PREX1: variants seen among roughly 807,000 people sequenced by gnomAD.
The protein encoded by PREX1 is phosphatidylinositol-3,4,5-trisphosphate dependent Rac exchange factor 1.
PREX1 carries 41 observed loss-of-function variants against 198.3 expected under a neutral mutation model. That is an observed-to-expected ratio of 0.21 (90% CI 0.16 to 0.27). The LOEUF (loss-of-function observed/expected upper bound fraction) is 0.27. Ranked by LOEUF, PREX1 falls within the 10% of genes least tolerant of loss-of-function variation. The pLI is 1.00. For synonymous variants in PREX1, 843 were observed against 887.2 expected, an observed-to-expected ratio of 0.95 and a Z score of 0.89; for missense variants, 1,620 against 2,200.7, an observed-to-expected ratio of 0.74 and a Z score of 5.28.
chr20:48,711,661 A>G (rs1054423053), intron 5 of PREX1, among the ~76,000 whole-genome samples: 2 of 152,234 alleles, frequency 1.3e-5, no homozygotes, highest in Admixed American at 6.5e-5. Context: ...CTTTTACACT[A>G]CAATGACAGA....
the PREX1 span, among the ~76,000 whole-genome samples, chr20:48,870,546 A>T: frequency 6.6e-6 from 1 of 152,304 alleles, no homozygotes. Flanking sequence ...AAAAGTTGAA[A>T]AAGTTCCAAT....
the PREX1 span, among the ~76,000 whole-genome samples, chr20:48,882,229 G>C: frequency 2.0e-5 from 3 of 151,988 alleles, no homozygotes; most frequent in Non-Finnish European, 2.9e-5. Context: ...GTTGCTGGGC[G>C]CGGTGGCTCA....
intron 1 of PREX1, among the ~76,000 whole-genome samples, chr20:48,757,712 T>C (rs1281036151): frequency 1.3e-5 from 2 of 152,104 alleles, no homozygotes; most frequent in African/African-American, 2.4e-5. Flanking sequence ...CCTCAGTAAA[T>C]GTCCAGTGAA....
At chr20:48,659,536 G>A (rs1184079277) in intron 16 of PREX1, among the ~76,000 whole-genome samples, 4 of 152,132 alleles carry the variant, frequency 2.6e-5, no homozygotes, top group African/African-American at 4.8e-5. Context: ...CTCCAACCCT[G>A]GCAGTGACCA....
At chr20:48,826,266 G>A (rs2090508214) in intron 1 of PREX1, among the ~76,000 whole-genome samples, 1 of 151,990 alleles carries the variant, frequency 6.6e-6, no homozygotes, top group Non-Finnish European at 1.5e-5. Context: ...AGTAAATGAG[G>A]CCCCAGCAGG....
At chr20:48,655,674 A>G (rs989546348) in intron 18 of PREX1, among the ~76,000 whole-genome samples, 3 of 152,088 alleles carry the variant, frequency 2.0e-5, no homozygotes, top group African/African-American at 7.2e-5. Context: ...CTCCTGTCCT[A>G]AGACCCTTGG....
intron 1 of PREX1, among the ~76,000 whole-genome samples, chr20:48,799,102 T>C (rs2090375052): frequency 6.6e-6 from 1 of 152,184 alleles, no homozygotes; most frequent in Non-Finnish European, 1.5e-5. Context: ...CAGACTGGTC[T>C]TGAACTCCTG....
chr20:48,821,094 C>T (rs1178377605), intron 1 of PREX1, among the ~76,000 whole-genome samples: 1 of 152,008 alleles, frequency 6.6e-6, no homozygotes, highest in African/African-American at 2.4e-5. Flanking sequence ...CCCAGCTATT[C>T]GGGAGGATGA....
chr20:48,790,487 AG>A (rs1423008093), intron 1 of PREX1, among the ~76,000 whole-genome samples: 1 of 152,140 alleles, frequency 6.6e-6, no homozygotes, highest in African/African-American at 2.4e-5. Flanking sequence ...AGGGAAAAAA[AG>A]TCTTCAACAT....
the PREX1 span, among the ~76,000 whole-genome samples, chr20:48,881,403 T>G: frequency 6.6e-6 from 1 of 152,280 alleles, no homozygotes; most frequent in African/African-American, 2.4e-5. Context: ...AACTCCTCCC[T>G]CATATTTTTG....
chr20:48,742,466 T>C (rs1432794762), intron 3 of PREX1, among the ~76,000 whole-genome samples: 1 of 152,106 alleles, frequency 6.6e-6, no homozygotes, highest in African/African-American at 2.4e-5. Flanking sequence ...AGCAAGGAAG[T>C]AGCAGAGCTA....
chr20:48,666,403 G>A lies in PREX1; in HGVS notation c.1666-48C>T, dbSNP rs555541289. On this transcript the variant is annotated intron_variant, in intron 14 of 39. Transcript: ENST00000371941. This position sits in a 1 kb window ranked among gnomAD's most constrained non-coding sequence, Gnocchi z 4.3. Reference sequence around the variant, plus strand: ...GGGTGTTAGGTGGCAGCATCCGAGAGGCCATGCATGGCCAACGAGAAGCCC... The same window carrying A: ...GGGTGTTAGGTGGCAGCATCCGAGAAGCCATGCATGGCCAACGAGAAGCCC... The A allele has an allele frequency of 1.0e-3, 1,504 of 1,450,622 alleles. 3 individuals carry two copies. Among genetic ancestry groups the A allele is most frequent in the Non-Finnish European group, 1.3e-3 (1,362 of 1,062,776 alleles). 89.9% of individuals were successfully genotyped at this position (1,450,622 alleles called of 1,614,324 possible). A position where few individuals can be genotyped will look rare whatever the true frequency, so the allele number is the denominator to read the frequency against.
At chr20:48,683,578 T>C (rs887662539) in intron 10 of PREX1, among the ~76,000 whole-genome samples, 4 of 152,216 alleles carry the variant, frequency 2.6e-5, no homozygotes, top group African/African-American at 4.8e-5. Context: ...AACTTGTAAA[T>C]AGGCAAAACA....
chr20:48,774,652 C>T (rs1402663195), intron 1 of PREX1, among the ~76,000 whole-genome samples: 3 of 152,256 alleles, frequency 2.0e-5, no homozygotes, highest in Non-Finnish European at 4.4e-5. Context: ...CCTCTCTCCC[C>T]CAACCTGGGC....
intron 1 of PREX1, among the ~76,000 whole-genome samples, chr20:48,774,165 C>A (rs937714714): frequency 6.6e-6 from 1 of 152,206 alleles, no homozygotes; most frequent in Non-Finnish European, 1.5e-5. Flanking sequence ...TCTGACCTCA[C>A]GCAAGGCAGT....
intron 18 of PREX1, 47 bp from the exon 19 acceptor site, chr20:48,655,422 G>A: frequency 7.1e-7 from 1 of 1,406,214 alleles, no homozygotes. Flanking sequence ...AGGAAAACCA[G>A]CATCACTCTC....
chr20:48,747,449 G>A (rs564155807), intron 2 of PREX1, among the ~76,000 whole-genome samples: 2 of 152,358 alleles, frequency 1.3e-5, no homozygotes, highest in East Asian at 3.9e-4. Flanking sequence ...GGGACTGGAG[G>A]TGCCCGGCTC....
intron 4 of PREX1, among the ~76,000 whole-genome samples, chr20:48,730,779 T>C (rs1212145683): frequency 6.6e-6 from 1 of 151,892 alleles, no homozygotes; most frequent in Admixed American, 6.6e-5. Flanking sequence ...AGGATTGCTT[T>C]AGCCCAGGAG....
At chr20:48,863,149 A>G in the PREX1 span, among the ~76,000 whole-genome samples, 1 of 152,120 alleles carries the variant, frequency 6.6e-6, no homozygotes, top group Admixed American at 6.6e-5. Flanking sequence ...TTTTCAGAGA[A>G]TTTTATGTTT....
Sources: allele counts gnomAD v4.1 joint callset (sites outside exome capture counted in the v4.1 genomes callset), GRCh38; gene constraint gnomAD v4.1.1; non-coding constraint Gnocchi (gnomAD v3.1); transcripts MANE v1.5; gene names NCBI Gene and HGNC (gene_info 2026-07-23, HGNC 2026-07-21).